Variants in TBC1D32 observed in about 807,000 individuals in gnomAD.
TBC1D32 encodes TBC1 domain family member 32, also known as protein broad-minded.
TBC1D32 carries 151 observed loss-of-function variants against 170.3 expected under a neutral mutation model. The ratio of observed to expected loss-of-function variants is 0.89; its 90% CI spans 0.78 to 1.01. The LOEUF (loss-of-function observed/expected upper bound fraction) is 1.01. Ranked by LOEUF, TBC1D32 falls within the 50% of genes least tolerant of loss-of-function variation. The probability of loss-of-function intolerance (pLI) is 0.00; values close to 1 mark genes in which losing one functional copy is unlikely to be tolerated. For missense variants in TBC1D32, 1,464 were observed against 1,457.1 expected (o/e 1.00, Z -0.08); for synonymous variants, 498 against 488.0 (o/e 1.02, Z -0.27).
At chr6:121,091,737 T>C (rs187225063) in intron 30 of TBC1D32, among the ~76,000 whole-genome samples, 2 of 152,296 alleles carry the variant, frequency 1.3e-5, no homozygotes, top group African/African-American at 2.4e-5. Flanking sequence ...ATCAATGTTA[T>C]GGGTAAAGTT....
At chr6:121,313,314 C>T (rs1348806895) in intron 3 of TBC1D32, among the ~76,000 whole-genome samples, 4 of 144,192 alleles carry the variant, frequency 2.8e-5, no homozygotes, top group East Asian at 4.0e-4. Context: ...CTCACTCTGT[C>T]GCCCAGGTTG....
chr6:121,235,492 G>A (rs543836641), intron 20 of TBC1D32, among the ~76,000 whole-genome samples: 1 of 152,212 alleles, frequency 6.6e-6, no homozygotes, highest in East Asian at 1.9e-4. Context: ...GATTATGGCT[G>A]CCTCTCCTGA....
At chr6:121,184,195 G>C (rs1310712128) in intron 22 of TBC1D32, among the ~76,000 whole-genome samples, 1 of 151,756 alleles carries the variant, frequency 6.6e-6, no homozygotes, top group Non-Finnish European at 1.5e-5. Flanking sequence ...TTTGGTCTAG[G>C]GTAGCCTTGA....
intron 9 of TBC1D32, among the ~76,000 whole-genome samples, chr6:121,301,984 GTTAATCAAAACCTTGGGT>G (rs1200214421): frequency 6.6e-6 from 1 of 152,022 alleles, no homozygotes; most frequent in African/African-American, 2.4e-5. Flanking sequence ...TTAACCAAAG[GTTAATCAAAACCTTGGGT>G]TTTAAACCTT....
rs568705661 is a variant in TBC1D32, at chr6:121,196,277, A to G, written c.2570+8798T>C. Among the ~76,000 whole-genome samples, 23 of 152,314 alleles carry G rather than the reference A, an allele frequency of 1.5e-4. No homozygotes were observed. In the South Asian group the frequency reaches 1.7e-3, roughly 11 times the overall value. Reference sequence around the variant, plus strand: ...AGGGATGGAGGTTACTCATGGGATCACCAACATGGACTTCCACTCACCAAG... The same window carrying G: ...AGGGATGGAGGTTACTCATGGGATCGCCAACATGGACTTCCACTCACCAAG... On this transcript the variant is annotated intron_variant, in intron 22 of 31. Transcript: ENST00000398212.
chr6:121,208,556 T>C (rs12198421), intron 21 of TBC1D32, among the ~76,000 whole-genome samples: 1 of 151,514 alleles, frequency 6.6e-6, no homozygotes, highest in African/African-American at 2.4e-5. Flanking sequence ...GAGATCTGGG[T>C]AGGGACACAG....
At chr6:121,287,599 C>T (rs554919366) in intron 12 of TBC1D32, among the ~76,000 whole-genome samples, 18 of 152,222 alleles carry the variant, frequency 1.2e-4, no homozygotes, top group South Asian at 8.3e-4. Context: ...ATCAACAAGA[C>T]GGAAAGTTAA....
intron 15 of TBC1D32, among the ~76,000 whole-genome samples, chr6:121,258,988 A>T (rs1799411783): frequency 1.3e-5 from 2 of 151,808 alleles, no homozygotes; most frequent in African/African-American, 4.8e-5. Flanking sequence ...TTAAAAAAAA[A>T]AAGAAAGAAA....
At chr6:121,281,409 T>C in intron 14 of TBC1D32, 135 bp downstream of exon 14, 1 of 545,206 alleles carries the variant, frequency 1.8e-6, no homozygotes, top group Non-Finnish European at 3.0e-6. Flanking sequence ...AATAAAAATA[T>C]ATATCAACAC....
At chr6:121,313,538 TGTCCCAGGCCTAACTCTAGGCA>T (rs1362413690) in intron 3 of TBC1D32, among the ~76,000 whole-genome samples, 1 of 152,090 alleles carries the variant, frequency 6.6e-6, no homozygotes, top group Admixed American at 6.6e-5. Context: ...ATAATCCACC[TGTCCCAGGCCTAACTCTAGGCA>T]GCTGCAGAAT....
chr6:121,260,967 G>A (rs1323992564), intron 15 of TBC1D32, among the ~76,000 whole-genome samples: 2 of 152,120 alleles, frequency 1.3e-5, no homozygotes, highest in Admixed American at 6.5e-5. Flanking sequence ...GAGGCTGAAC[G>A]GCTTGGTCCC....
rs1242483488 is a variant in TBC1D32 at position 121,080,669 on chromosome 6, T to C, written c.*102A>G. The C allele has an allele frequency of 1.1e-5, 15 of 1,402,402 alleles. No homozygotes were observed. The highest frequency in any genetic ancestry group is 1.5e-5 in the African/African-American group (1 of 68,504). The allele number at this position is 1,402,402 out of a possible 1,614,324, so 86.9% of individuals were successfully genotyped here. On this transcript the variant is annotated 3_prime_UTR_variant, in exon 32 of 32. Transcript: ENST00000398212. ...TACTTCTCAGTATTTACAATATGTA[T>C]ATTCACAAAGTAAATGTTGTTACAG...
intron 30 of TBC1D32, 53 bp downstream of exon 30, chr6:121,105,970 T>C: frequency 6.8e-7 from 1 of 1,468,300 alleles, no homozygotes; most frequent in Non-Finnish European, 9.1e-7. Flanking sequence ...ACAGTTTTAT[T>C]TGAAGACACT....
At chr6:121,234,141 G>T (rs1368896461) in intron 20 of TBC1D32, among the ~76,000 whole-genome samples, 2 of 152,098 alleles carry the variant, frequency 1.3e-5, no homozygotes, top group East Asian at 3.9e-4. Flanking sequence ...CAGCTCTTAA[G>T]ATTTTTTTCC....
At chr6:121,240,199 T>C (rs1364985853) in intron 19 of TBC1D32, among the ~76,000 whole-genome samples, 1 of 152,006 alleles carries the variant, frequency 6.6e-6, no homozygotes, top group Non-Finnish European at 1.5e-5. Context: ...CATGAAAAGT[T>C]TGAGACTCTG....
At chr6:121,255,760 A>T (rs1798922625) in intron 16 of TBC1D32, among the ~76,000 whole-genome samples, 2 of 152,054 alleles carry the variant, frequency 1.3e-5, no homozygotes, top group African/African-American at 4.8e-5. Context: ...CACAACAAAA[A>T]CCCAGCTGTC....
intron 16 of TBC1D32, 120 bp from the exon 17 acceptor site, chr6:121,255,530 T>TAATTATATTTTATAA (rs1280529108): frequency 4.1e-6 from 1 of 241,908 alleles, no homozygotes; most frequent in African/African-American, 2.4e-5. Flanking sequence ...TTTATATTTC[T>TAATTATATTTTATAA]TACTGATAGC....
chr6:121,100,838 A>G (rs1262789433), intron 30 of TBC1D32, among the ~76,000 whole-genome samples: 2 of 152,120 alleles, frequency 1.3e-5, no homozygotes, highest in Non-Finnish European at 2.9e-5. Context: ...ATAGACTGCT[A>G]GCCAGACTAA....
At chr6:121,214,445 C>T (rs944271007) in intron 21 of TBC1D32, among the ~76,000 whole-genome samples, 8 of 152,166 alleles carry the variant, frequency 5.3e-5, no homozygotes, top group African/African-American at 1.4e-4. Context: ...AGTGAATGAG[C>T]ATGGGGTCCA....
Sources: allele counts gnomAD v4.1 joint callset (sites outside exome capture counted in the v4.1 genomes callset), GRCh38; gene constraint gnomAD v4.1.1; transcripts MANE v1.5; gene names NCBI Gene and HGNC (gene_info 2026-07-23, HGNC 2026-07-21).